SLC12A5: variants seen among roughly 807,000 people sequenced by gnomAD.
SLC12A5 encodes the protein K-Cl cotransporter 2.
In SLC12A5, 18 loss-of-function variants were observed where a neutral mutation model predicts 124.0. The ratio of observed to expected loss-of-function variants is 0.15; its 90% CI spans 0.10 to 0.22. The LOEUF (loss-of-function observed/expected upper bound fraction) is 0.22. Among genes scored for constraint, SLC12A5 ranks in the 10% least tolerant of loss-of-function variants. The probability of loss-of-function intolerance (pLI) is 1.00; values close to 1 mark genes in which losing one functional copy is unlikely to be tolerated. For missense variants in SLC12A5, 867 were observed against 1,478.7 expected (o/e 0.59, Z 6.78); for synonymous variants, 589 against 568.0 (o/e 1.04, Z -0.53).
At position 46,034,897 on chromosome 20, in the gene SLC12A5, G is replaced by A. The variant is rs114231236; in HGVS notation, c.53-51G>A. On this transcript the variant is annotated intron_variant, in intron 1 of 25. Transcript: ENST00000243964. ...GGCTACACCACTGTATGCCCAGGTG[G>A]TTGGACAACAACTGATTGGTTCCAG... 2.8e-4 allele frequency: 446 copies of A among 1,567,650 alleles called. 1 individual carries two copies. The African/African-American group carries it at 5.4e-3, about 19-fold the overall frequency.
At chr20:46,051,636 A>G (rs1392735253) in intron 17 of SLC12A5, 39 bp from the exon 18 acceptor site, 1 of 1,569,362 alleles carries the variant, frequency 6.4e-7, no homozygotes, top group Admixed American at 2.0e-5. Context: ...AGGGCCAGGG[A>G]GGCCTGAGGC....
chr20:46,041,635 A>C, intron 8 of SLC12A5, 95 bp downstream of exon 8: 15 of 1,317,510 alleles, frequency 1.1e-5, no homozygotes, highest in Non-Finnish European at 1.6e-5. Flanking sequence ...GATTCAGCTA[A>C]ATTCAATCAG....
At chr20:46,042,285 G>C (rs1215752758) in intron 8 of SLC12A5, among the ~76,000 whole-genome samples, 1 of 152,176 alleles carries the variant, frequency 6.6e-6, no homozygotes, top group African/African-American at 2.4e-5. Context: ...GAGGGACGTG[G>C]TCAGATCTCC....
In SLC12A5 at chr20:46,040,505, G is replaced by A; in HGVS notation, c.745G>A (p.Val249Ile). 6.2e-7 allele frequency: 1 copy of A among 1,614,260 alleles called. No homozygotes were observed. Among genetic ancestry groups the A allele is most frequent in the Non-Finnish European group, 8.5e-7 (1 of 1,180,054 alleles). Reference sequence around the variant, plus strand: ...CATGGCCACTGTGGTGTTTGTGGGTGTCAAGTATGTCAACAAGTTTGCCCT... The same window carrying A: ...CATGGCCACTGTGGTGTTTGTGGGTATCAAGTATGTCAACAAGTTTGCCCT... ...TCMATVVFVG[V>I]KYVNKFALVF... is the part of the protein sequence containing the mutation. The change falls in exon 7 of 26, where the codon GTC becomes ATC. Residue 249 changes from valine (V) to isoleucine (I), a missense_variant. By Grantham distance (29) the Val-to-Ile change is conservative (BLOSUM62 3). This residue lies in a region of SLC12A5 where 126 missense variants were observed against 291.6 expected (regional missense o/e 0.43). Coordinates refer to ENST00000243964, the MANE Select transcript of SLC12A5 (RefSeq NM_020708.5).
In SLC12A5 at chr20:46,045,811, C is replaced by A. The variant is rs565950474; in HGVS notation, c.1570-67C>A. Reference sequence around the variant, plus strand: ...TTCCTGCCTCTACTCCACTGGTTCCCGAGGCTAGGGGAGAGGGCTGAGAAA... The same window carrying A: ...TTCCTGCCTCTACTCCACTGGTTCCAGAGGCTAGGGGAGAGGGCTGAGAAA... On this transcript the variant is annotated intron_variant, in intron 12 of 25. Transcript: ENST00000243964. The surrounding 1 kb of genome is among the most constrained non-coding windows in gnomAD (Gnocchi z 4.9). 4 of 1,338,188 alleles carry A rather than the reference C, an allele frequency of 3.0e-6. No individual in the cohort carries two copies. The highest frequency in any genetic ancestry group is 4.2e-6 in the Non-Finnish European group (4 of 942,276). 82.9% of individuals were successfully genotyped at this position (1,338,188 alleles called of 1,614,324 possible). A position where few individuals can be genotyped will look rare whatever the true frequency, so the allele number is the denominator to read the frequency against.
At chr20:46,037,115 A>C (rs1824399820) in intron 5 of SLC12A5, 140 bp from the exon 6 acceptor site, 1 of 1,278,902 alleles carries the variant, frequency 7.8e-7, no homozygotes, top group Non-Finnish European at 1.1e-6. Context: ...GTCTCTCACC[A>C]GTCCCCTTTC....
intron 6 of SLC12A5, 150 bp downstream of exon 6, chr20:46,037,535 A>G (rs1407305922): frequency 4.5e-6 from 4 of 888,430 alleles, no homozygotes; most frequent in African/African-American, 1.7e-5. Flanking sequence ...GTTTCTAAAG[A>G]GTTCACAGTC....
Position 46,053,641 on chromosome 20 carries a change from A to T in SLC12A5, c.2611A>T (p.Met871Leu), listed in dbSNP as rs1397645902. 1 of 1,613,812 alleles carries T rather than the reference A, an allele frequency of 6.2e-7. No homozygotes were observed. The highest frequency in any genetic ancestry group is 8.5e-7 in the Non-Finnish European group (1 of 1,179,854). Residue 871 changes from methionine (M) to leucine (L), a missense_variant, in exon 20 of 26, where the codon ATG becomes TTG. Around this residue, in one of 9 missense-constraint regions of SLC12A5, gnomAD observed 70 missense variants for 157.2 expected, o/e 0.45. Coordinates refer to ENST00000243964, the MANE Select transcript of SLC12A5 (RefSeq NM_020708.5). The surrounding 1 kb of genome is among the most constrained non-coding windows in gnomAD (Gnocchi z 4.7). Reference protein sequence around the residue: ...VAQMDDNSIQMKKDLTTFLYH... With the variant: ...VAQMDDNSIQLKKDLTTFLYH... Reference sequence around the variant, plus strand: ...CCAGATGGATGACAATAGCATCCAGATGAAGAAGGATCTGACCACATTTCT... The same window carrying T: ...CCAGATGGATGACAATAGCATCCAGTTGAAGAAGGATCTGACCACATTTCT...
chr20:46,022,012 T>G, intron 1 of SLC12A5: 2 of 1,131,640 alleles, frequency 1.8e-6, no homozygotes, highest in South Asian at 1.9e-5. Flanking sequence ...GCCCTAGGCC[T>G]GAGAGGGGAA....
chr20:46,052,914 A>G (rs779079069), intron 18 of SLC12A5, 43 bp from the exon 19 acceptor site: 8 of 1,556,752 alleles, frequency 5.1e-6, no homozygotes, highest in African/African-American at 4.1e-5. Flanking sequence ...GGAGAACCAG[A>G]GTCACTGTTT....
upstream of SLC12A5, among the ~76,000 whole-genome samples, chr20:46,028,850 C>T (rs2084419646): frequency 6.6e-6 from 1 of 152,170 alleles, no homozygotes; most frequent in Admixed American, 6.5e-5. Context: ...TCCCCGCGGC[C>T]GCGACCTAGT....
Position 46,044,855 on chromosome 20 carries a change from G to A in SLC12A5, c.1395-111G>A, listed in dbSNP as rs966205844. 5.7e-6 allele frequency: 7 copies of A among 1,230,254 alleles called. No individual in the cohort carries two copies. In the East Asian group the frequency reaches 1.7e-4, roughly 29 times the overall value. The allele number at this position is 1,230,254 out of a possible 1,614,324, so 76.2% of individuals were successfully genotyped here. On this transcript the variant is annotated intron_variant, in intron 11 of 25. Transcript: ENST00000243964. ...CTCTGCCTCCCCTGTCACCCTTACA[G>A]AACTTAGTCCTGTGGCAGGCACACA...
rs777706352 is a variant in SLC12A5 at position 46,057,128 on chromosome 20, C to T, written c.3126-42C>T. The T allele has an allele frequency of 6.8e-6, 11 of 1,611,428 alleles. No individual in the cohort carries two copies. The highest frequency in any genetic ancestry group is 9.3e-6 in the Non-Finnish European group (11 of 1,178,246). ...GGCGACTGGCTCCAATCTTCTCTAC[C>T]CCCCCGGCTCACGCGGTCTCCACTC... On this transcript the variant is annotated intron_variant, in intron 24 of 25. Coordinates refer to ENST00000243964, the MANE Select transcript of SLC12A5 (RefSeq NM_020708.5). This position sits in a 1 kb window ranked among gnomAD's most constrained non-coding sequence, Gnocchi z 7.1.
chr20:46,023,200 G>A, intron 2 of SLC12A5: 3 of 397,842 alleles, frequency 7.5e-6, no homozygotes, highest in Non-Finnish European at 1.3e-5. Flanking sequence ...CCCCAGTCCC[G>A]GGAACCGAAC....
Position 46,056,346 on chromosome 20 carries a change from C to G in SLC12A5, c.2911-19C>G. ...GGCCTCCAAAGGACTCAACTGCCAT[C>G]GCTTCATTCATCCCTCAGGTGCAGC... On this transcript the variant is annotated intron_variant, in intron 22 of 25. Transcript: ENST00000243964. The surrounding 1 kb of genome is among the most constrained non-coding windows in gnomAD (Gnocchi z 4.3). 6.2e-7 allele frequency: 1 copy of G among 1,608,018 alleles called. No individual in the cohort carries two copies. The highest frequency in any genetic ancestry group is 1.1e-5 in the South Asian group (1 of 90,200).
In SLC12A5 at chr20:46,058,226, C is replaced by T; in HGVS notation, c.*621C>T. 1 of 373,718 alleles carries T rather than the reference C, an allele frequency of 2.7e-6. No individual in the cohort carries two copies. The highest frequency in any genetic ancestry group is 4.8e-6 in the Non-Finnish European group (1 of 210,494). 23.2% of individuals were successfully genotyped at this position (373,718 alleles called of 1,614,324 possible). On this transcript the variant is annotated 3_prime_UTR_variant, in exon 26 of 26. Coordinates refer to ENST00000243964, the MANE Select transcript of SLC12A5 (RefSeq NM_020708.5). The surrounding 1 kb of genome is among the most constrained non-coding windows in gnomAD (Gnocchi z 5.8). ...TCGAGCTCTCCCGCTGGGGGCACTGCGGGGAGGCGAGGCCTCGGGAAGCTG... is the reference window on the plus strand; with the variant it reads ...TCGAGCTCTCCCGCTGGGGGCACTGTGGGGAGGCGAGGCCTCGGGAAGCTG...
chr20:46,050,311 T>C (rs1359377953), intron 17 of SLC12A5, among the ~76,000 whole-genome samples: 1 of 152,200 alleles, frequency 6.6e-6, no homozygotes, highest in Non-Finnish European at 1.5e-5. Context: ...GGATTTGAAC[T>C]CAGGCCCCTG....
intron 18 of SLC12A5, among the ~76,000 whole-genome samples, chr20:46,052,596 C>G (rs559510087): frequency 6.6e-6 from 1 of 152,228 alleles, no homozygotes; most frequent in Non-Finnish European, 1.5e-5. Flanking sequence ...GGAGGCTACA[C>G]TGTTAGCTCC....
chr20:46,057,394 G>A lies in SLC12A5; in HGVS notation c.3259+91G>A, dbSNP rs1298419673. The A allele has an allele frequency of 1.9e-6, 3 of 1,606,274 alleles. No homozygotes were observed. The highest frequency in any genetic ancestry group is 1.3e-5 in the African/African-American group (1 of 74,724). On this transcript the variant is annotated intron_variant, in intron 25 of 25. Coordinates refer to ENST00000243964, the MANE Select transcript of SLC12A5 (RefSeq NM_020708.5). This position sits in a 1 kb window ranked among gnomAD's most constrained non-coding sequence, Gnocchi z 7.1. ...GGGATGGAAGAGCTGAGCTGTTCCT[G>A]CCTCCGGATCAGCACCTCGGACAGG... is the stretch of plus-strand genomic sequence containing the variant.
Sources: allele counts gnomAD v4.1 joint callset (sites outside exome capture counted in the v4.1 genomes callset), GRCh38; gene constraint gnomAD v4.1.1; regional missense constraint gnomAD v4.1.1; non-coding constraint Gnocchi (gnomAD v3.1); transcripts MANE v1.5; gene names NCBI Gene and HGNC (gene_info 2026-07-23, HGNC 2026-07-21).